Variants in FARP2 observed in about 807,000 individuals in gnomAD.
The protein encoded by FARP2 is FERM, ARH/RhoGEF and pleckstrin domain protein 2.
FARP2 carries 111 observed loss-of-function variants against 130.5 expected under a neutral mutation model. That is an observed-to-expected ratio of 0.85 (90% CI 0.73 to 1.00). The LOEUF (loss-of-function observed/expected upper bound fraction) is 1.00. Ranked by LOEUF, FARP2 falls within the 50% of genes least tolerant of loss-of-function variation. FARP2 has a pLI of 0.00. For missense variants in FARP2, 1,385 were observed against 1,346.3 expected (o/e 1.03, Z -0.45); for synonymous variants, 504 against 516.9 (o/e 0.98, Z 0.34).
chr2:241,427,829 G>A lies in FARP2; in HGVS notation c.772-3850G>A, dbSNP rs186280387. 4.4e-3 allele frequency among the ~76,000 whole-genome samples: 675 copies of A among 151,792 alleles called. 1 individual carries two copies. The highest frequency in any genetic ancestry group is 0.016 in the African/African-American group (644 of 41,392). On this transcript the variant is annotated intron_variant, in intron 8 of 26. Transcript: ENST00000264042. ...CGCCCAGGTGGGAGTACAGTGGCGC[G>A]ATCTCAGCTCACTGCAACCTCCGCC... is the stretch of plus-strand genomic sequence containing the variant.
intron 2 of FARP2, among the ~76,000 whole-genome samples, chr2:241,383,234 G>A (rs1394274900): frequency 5.9e-5 from 9 of 152,204 alleles, no homozygotes; most frequent in African/African-American, 1.4e-4. Flanking sequence ...GCGCTTGTTC[G>A]GCAGTGGGGA....
chr2:241,447,901 G>T (rs903373270), intron 13 of FARP2, among the ~76,000 whole-genome samples: 1 of 152,174 alleles, frequency 6.6e-6, no homozygotes, highest in Non-Finnish European at 1.5e-5. Context: ...CTGATGTCAG[G>T]CGCCTCTGGG....
intron 17 of FARP2, chr2:241,466,460 A>G: frequency 1.0e-6 from 1 of 985,378 alleles, no homozygotes; most frequent in Non-Finnish European, 1.2e-6. Context: ...CAGGCCGGGG[A>G]CCAGCAGACT....
intron 19 of FARP2, among the ~76,000 whole-genome samples, chr2:241,481,188 C>A (rs1186318503): frequency 6.6e-6 from 1 of 152,032 alleles, no homozygotes; most frequent in Admixed American, 6.6e-5. Flanking sequence ...GTGATCGTAC[C>A]ACTGCACTCC....
chr2:241,442,244 C>A (rs1333350671), intron 13 of FARP2: 1 of 456,600 alleles, frequency 2.2e-6, no homozygotes, highest in Non-Finnish European at 4.4e-6. Context: ...GAGGCCAGCT[C>A]CATGGTCAAC....
chr2:241,452,134 C>G (rs981454740), intron 13 of FARP2, among the ~76,000 whole-genome samples: 8 of 152,208 alleles, frequency 5.3e-5, no homozygotes, highest in Non-Finnish European at 1.2e-4. Flanking sequence ...GCCAAGTGTC[C>G]TTTTATGATA....
At chr2:241,359,736 T>G (rs866292823) in intron 1 of FARP2, among the ~76,000 whole-genome samples, 3 of 152,220 alleles carry the variant, frequency 2.0e-5, no homozygotes, top group Non-Finnish European at 4.4e-5. Flanking sequence ...AACTTCTGTA[T>G]CTTTGTGTGC....
intron 2 of FARP2, among the ~76,000 whole-genome samples, chr2:241,383,815 G>A (rs937547608): frequency 7.9e-5 from 12 of 152,230 alleles, no homozygotes; most frequent in African/African-American, 2.9e-4. Flanking sequence ...GCACTAGGGA[G>A]CCCATGGGAA....
At position 241,382,290 on chromosome 2, in the gene FARP2, C is replaced by CTCTTTTTTT. The variant is rs1553709361; in HGVS notation, c.183+9001_183+9002insCTTTTTTTT. ...TATTTTCAGTTTCTCTGTACAAAAT[C>CTCTTTTTTT]TATTTTTTTTTTTTTTTTTTTTGAG... On this transcript the variant is annotated intron_variant, in intron 2 of 26. Coordinates refer to ENST00000264042, the MANE Select transcript of FARP2 (RefSeq NM_014808.4). Among the ~76,000 whole-genome samples the CTCTTTTTTT allele has an allele frequency of 8.6e-5, 11 of 127,198 alleles. 3 individuals carry two copies. Among genetic ancestry groups the CTCTTTTTTT allele is most frequent in the Non-Finnish European group, 6.8e-5 (4 of 58,550 alleles). 83.4% of individuals were successfully genotyped at this position (127,198 alleles called of 152,430 possible).
chr2:241,468,048 C>A, intron 17 of FARP2, 92 bp from the exon 18 acceptor site: 2 of 898,882 alleles, frequency 2.2e-6, no homozygotes, highest in Non-Finnish European at 1.9e-6. Flanking sequence ...TGGGGATTTC[C>A]AGCCGGCACC....
intron 21 of FARP2, among the ~76,000 whole-genome samples, chr2:241,487,372 T>A (rs1365988018): frequency 1.3e-5 from 2 of 152,084 alleles, no homozygotes; most frequent in African/African-American, 2.4e-5. Context: ...AATAGTATAG[T>A]CAAAAATGCA....
intron 20 of FARP2, chr2:241,484,011 C>A: frequency 7.5e-7 from 1 of 1,341,910 alleles, no homozygotes; most frequent in Non-Finnish European, 9.6e-7. Flanking sequence ...TCCAGCTTCT[C>A]AGCCAAGCTA....
intron 13 of FARP2, among the ~76,000 whole-genome samples, chr2:241,455,798 G>A (rs892528071): frequency 1.5e-5 from 2 of 137,362 alleles, no homozygotes; most frequent in African/African-American, 5.5e-5. Context: ...GGAGTGCAGT[G>A]GTGCGATCTC....
At chr2:241,421,395 A>G (rs2062803618) in intron 8 of FARP2, among the ~76,000 whole-genome samples, 1 of 152,222 alleles carries the variant, frequency 6.6e-6, no homozygotes, top group African/African-American at 2.4e-5. Flanking sequence ...TGTGAGGCCC[A>G]CTTCCACAGC....
chr2:241,474,298 G>A (rs1388013138), intron 18 of FARP2, among the ~76,000 whole-genome samples: 2 of 119,660 alleles, frequency 1.7e-5, no homozygotes, highest in Non-Finnish European at 3.2e-5. Context: ...GCGACAGAGC[G>A]CAGAGCGAGA....
chr2:241,490,803 C>T (rs1194971668), intron 22 of FARP2, among the ~76,000 whole-genome samples: 1 of 152,236 alleles, frequency 6.6e-6, no homozygotes, highest in Non-Finnish European at 1.5e-5. Flanking sequence ...CCCCTGCAGA[C>T]CCCCTGTTCT....
At chr2:241,416,292 C>T (rs1194416591) in intron 7 of FARP2, among the ~76,000 whole-genome samples, 1 of 152,022 alleles carries the variant, frequency 6.6e-6, no homozygotes, top group Non-Finnish European at 1.5e-5. Flanking sequence ...AAGGGTGAGC[C>T]ATGTGGTCTG....
At chr2:241,450,618 A>G (rs376123105) in intron 13 of FARP2, among the ~76,000 whole-genome samples, 21 of 151,594 alleles carry the variant, frequency 1.4e-4, no homozygotes, top group African/African-American at 5.1e-4. Context: ...GTGAGCTGAG[A>G]TTGAGCCACT....
chr2:241,490,105 G>A (rs1449774057), intron 22 of FARP2, 61 bp downstream of exon 22: 24 of 1,209,614 alleles, frequency 2.0e-5, no homozygotes, highest in South Asian at 6.1e-5. Flanking sequence ...GGACTTCCTC[G>A]CCATGAGCCT....
Sources: gnomAD v4.1 joint callset for allele counts (sites outside exome capture counted in the v4.1 genomes callset) on GRCh38, gnomAD v4.1.1 for gene constraint, MANE v1.5 for transcripts, NCBI Gene and HGNC (gene_info 2026-07-23, HGNC 2026-07-21) for gene names.